ANO3: variants seen among roughly 807,000 people sequenced by gnomAD.
ANO3 encodes the protein anoctamin-3.
A neutral mutation model predicts 144.8 loss-of-function variants in ANO3; 99 were observed. The observed-to-expected ratio is 0.68, with a 90% CI of 0.58 to 0.81. The LOEUF is 0.81. Ranked by LOEUF, ANO3 falls within the 30% of genes least tolerant of loss-of-function variation. ANO3 has a pLI of 0.00. For missense variants in ANO3, 905 were observed against 1,202.2 expected, an observed-to-expected ratio of 0.75 and a Z score of 3.66; for synonymous variants, 414 against 392.6, an observed-to-expected ratio of 1.05 and a Z score of -0.64.
intron 1 of ANO3, among the ~76,000 whole-genome samples, chr11:26,383,881 C>G (rs1312810928): frequency 3.4e-5 from 4 of 119,306 alleles, no homozygotes; most frequent in Non-Finnish European, 6.8e-5. Flanking sequence ...TTGTGCCATG[C>G]ATTGTTCTTT....
intron 1 of ANO3, among the ~76,000 whole-genome samples, chr11:26,245,945 C>A (rs1056911637): frequency 6.6e-6 from 1 of 152,178 alleles, no homozygotes; most frequent in Non-Finnish European, 1.5e-5. Flanking sequence ...CAGGTCTTTC[C>A]TCCTGCAGTA....
intron 1 of ANO3, among the ~76,000 whole-genome samples, chr11:26,385,392 G>T (rs1457307290): frequency 6.6e-6 from 1 of 152,150 alleles, no homozygotes; most frequent in Non-Finnish European, 1.5e-5. Context: ...TACAGTTCTG[G>T]AGGTTAAAAA....
At chr11:26,565,083 G>T in intron 14 of ANO3, 1 of 1,330,384 alleles carries the variant, frequency 7.5e-7, no homozygotes, top group Non-Finnish European at 1.0e-6. Flanking sequence ...TTCCAGCATG[G>T]TGATTCCTTA....
At chr11:26,547,297 A>G in intron 11 of ANO3, 119 bp from the exon 12 acceptor site, 1 of 940,406 alleles carries the variant, frequency 1.1e-6, no homozygotes, top group Non-Finnish European at 1.7e-6. Context: ...GATGGAGCTG[A>G]GGAGGAACTG....
At chr11:26,496,488 C>T (rs772642564) in intron 4 of ANO3, among the ~76,000 whole-genome samples, 3 of 152,174 alleles carry the variant, frequency 2.0e-5, no homozygotes, top group Non-Finnish European at 4.4e-5. Context: ...TCCACTTTGT[C>T]TTGAACTTTA....
At chr11:26,475,177 T>G (rs1306870402) in intron 4 of ANO3, among the ~76,000 whole-genome samples, 1 of 151,946 alleles carries the variant, frequency 6.6e-6, no homozygotes, top group Non-Finnish European at 1.5e-5. Context: ...AATTAATATT[T>G]TCTTTCCTTC....
chr11:26,631,322 A>C (rs1240298150), intron 18 of ANO3, among the ~76,000 whole-genome samples: 1 of 151,814 alleles, frequency 6.6e-6, no homozygotes, highest in African/African-American at 2.4e-5. Flanking sequence ...TGTTTATTTT[A>C]TTGTTTTTGT....
chr11:26,620,694 C>A (rs933058127), intron 17 of ANO3, among the ~76,000 whole-genome samples: 1 of 152,100 alleles, frequency 6.6e-6, no homozygotes, highest in African/African-American at 2.4e-5. Flanking sequence ...TTGATCCATT[C>A]CCATCTCTAG....
At chr11:26,507,698 G>C (rs1861490719) in intron 4 of ANO3, among the ~76,000 whole-genome samples, 1 of 152,066 alleles carries the variant, frequency 6.6e-6, no homozygotes, top group Admixed American at 6.6e-5. Context: ...ATAAAATATT[G>C]AAAGCACTTA....
intron 1 of ANO3, among the ~76,000 whole-genome samples, chr11:26,430,831 A>G (rs1228291194): frequency 1.3e-5 from 2 of 152,222 alleles, no homozygotes; most frequent in African/African-American, 4.8e-5. Context: ...TTTTTGTCCA[A>G]ATTGACTCCA....
At chr11:26,249,814 T>TA (rs903491355) in intron 1 of ANO3, among the ~76,000 whole-genome samples, 14 of 151,998 alleles carry the variant, frequency 9.2e-5, no homozygotes, top group African/African-American at 3.1e-4. Context: ...AAAGAAAGAA[T>TA]AAAAAACGCT....
At chr11:26,437,227 C>T (rs1858328306) in intron 1 of ANO3, among the ~76,000 whole-genome samples, 1 of 152,190 alleles carries the variant, frequency 6.6e-6, no homozygotes, top group African/African-American at 2.4e-5. Flanking sequence ...GCTGGAGTTG[C>T]AGCCACTTTT....
At chr11:26,655,892 C>A (rs1020031474) in intron 24 of ANO3, among the ~76,000 whole-genome samples, 2 of 151,160 alleles carry the variant, frequency 1.3e-5, no homozygotes, top group East Asian at 1.9e-4. Flanking sequence ...TAAACATAAA[C>A]CAGATGAAAA....
intron 1 of ANO3, among the ~76,000 whole-genome samples, chr11:26,314,634 A>G (rs1854579934): frequency 6.6e-6 from 1 of 152,012 alleles, no homozygotes; most frequent in Non-Finnish European, 1.5e-5. Context: ...AGTTTCTAGA[A>G]CCAGGTTTGT....
chr11:26,466,233 T>C (rs549949410), intron 4 of ANO3, among the ~76,000 whole-genome samples: 1 of 152,118 alleles, frequency 6.6e-6, no homozygotes, highest in African/African-American at 2.4e-5. Flanking sequence ...CATGAGATTC[T>C]AGAAATTAGA....
At position 26,235,261 on chromosome 11, in the gene ANO3, T is replaced by C. The variant is rs116918018; in HGVS notation, c.154+45931T>C. Among the ~76,000 whole-genome samples, 586 of 152,346 alleles carry C rather than the reference T, an allele frequency of 3.8e-3. 5 individuals are homozygous for C. Among genetic ancestry groups the C allele is most frequent in the Middle Eastern group, 0.01 (3 of 294 alleles). Reference sequence around the variant, plus strand: ...AAGTCTATGACTAAACTAACAATTATATTCCCATATACAAGACTGCATATA... The same window carrying C: ...AAGTCTATGACTAAACTAACAATTACATTCCCATATACAAGACTGCATATA... On this transcript the variant is annotated intron_variant, in intron 1 of 27. Transcript: ENST00000672621.
chr11:26,518,352 G>T (rs914802389), intron 6 of ANO3, among the ~76,000 whole-genome samples: 4 of 151,956 alleles, frequency 2.6e-5, no homozygotes, highest in Non-Finnish European at 5.9e-5. Flanking sequence ...TCTGGTCTGT[G>T]CATATTCATG....
intron 1 of ANO3, among the ~76,000 whole-genome samples, chr11:26,315,428 G>A (rs1474867347): frequency 6.6e-6 from 1 of 152,138 alleles, no homozygotes; most frequent in South Asian, 2.1e-4. Context: ...CAGGGTCTAG[G>A]CAGAACATGT....
At chr11:26,565,888 T>C in intron 14 of ANO3, 1 of 1,573,444 alleles carries the variant, frequency 6.4e-7, no homozygotes, top group Non-Finnish European at 8.6e-7. Flanking sequence ...GGTTTTTTTT[T>C]AAAGGAATCT....
Sources: allele counts gnomAD v4.1 joint callset (sites outside exome capture counted in the v4.1 genomes callset), GRCh38; gene constraint gnomAD v4.1.1; transcripts MANE v1.5; gene names NCBI Gene and HGNC (gene_info 2026-07-23, HGNC 2026-07-21).